Variants in LAIR2 observed in about 807,000 individuals in gnomAD.
The protein encoded by LAIR2 is leukocyte associated immunoglobulin like receptor 2.
Under a neutral mutation model 14.8 loss-of-function variants are expected in LAIR2, and 14 were observed. The ratio of observed to expected loss-of-function variants is 0.95; its 90% CI spans 0.62 to 1.48. The LOEUF (loss-of-function observed/expected upper bound fraction) is 1.48, where lower values mean the gene tolerates loss of function less well. Among genes scored for constraint, LAIR2 ranks in the 40% most tolerant of loss-of-function variants. The pLI, the probability that LAIR2 is intolerant of heterozygous loss-of-function variation, is 0.00. For missense variants in LAIR2, 172 were observed against 180.9 expected, an observed-to-expected ratio of 0.95 and a Z score of 0.28; for synonymous variants, 75 against 74.5, an observed-to-expected ratio of 1.01 and a Z score of -0.03.
At chr19:54,504,135 T>TG (rs1036879100) in intron 2 of LAIR2, among the ~76,000 whole-genome samples, 2 of 151,230 alleles carry the variant, frequency 1.3e-5, no homozygotes, top group African/African-American at 4.9e-5. Context: ...TTTTTTTTTT[T>TG]TTGTATTTTT....
chr19:54,509,761 A>G (rs1178749573), intron 4 of LAIR2, among the ~76,000 whole-genome samples: 1 of 151,470 alleles, frequency 6.6e-6, no homozygotes, highest in Non-Finnish European at 1.5e-5. Context: ...GATGGGAGAG[A>G]AGCTGCCTCT....
At chr19:54,505,608 C>G (rs903106292) in intron 2 of LAIR2, among the ~76,000 whole-genome samples, 3 of 152,122 alleles carry the variant, frequency 2.0e-5, no homozygotes, top group African/African-American at 7.2e-5. Flanking sequence ...AATATCTCAT[C>G]GTAAGATGAA....
intron 4 of LAIR2, among the ~76,000 whole-genome samples, chr19:54,509,977 C>G (rs942162567): frequency 1.4e-5 from 2 of 147,168 alleles, no homozygotes; most frequent in African/African-American, 5.0e-5. Flanking sequence ...CTGTGAGGCT[C>G]GGGCTGTGAG....
chr19:54,507,790 A>G, intron 2 of LAIR2, 101 bp from the exon 3 acceptor site: 3 of 1,200,062 alleles, frequency 2.5e-6, no homozygotes, highest in South Asian at 2.8e-5. Context: ...GCATAACTCT[A>G]TAAAATTGCT....
chr19:54,503,813 T>A (rs996794188), intron 2 of LAIR2, 78 bp downstream of exon 2: 8 of 1,588,840 alleles, frequency 5.0e-6, no homozygotes, highest in African/African-American at 2.7e-5. Flanking sequence ...TGATGTTGAT[T>A]CTTAGAGGGC....
intron 2 of LAIR2, among the ~76,000 whole-genome samples, chr19:54,505,403 CTT>C (rs1693475008): frequency 6.6e-6 from 1 of 152,058 alleles, no homozygotes; most frequent in Admixed American, 6.5e-5. Flanking sequence ...TTCCCTCTCT[CTT>C]CATCGACTTT....
intron 3 of LAIR2, among the ~76,000 whole-genome samples, chr19:54,508,791 C>T (rs1188418626): frequency 7.9e-4 from 1 of 1,266 alleles, no homozygotes; most frequent in African/African-American, 1.1e-3. Flanking sequence ...AGGACCTCAG[C>T]AGTCCCCTGA....
At chr19:54,505,671 G>A (rs985913839) in intron 2 of LAIR2, among the ~76,000 whole-genome samples, 1 of 151,992 alleles carries the variant, frequency 6.6e-6, no homozygotes, top group African/African-American at 2.4e-5. Context: ...ATCAACCCAG[G>A]CACCTCTCTT....
At chr19:54,506,067 C>T (rs11670906) in intron 2 of LAIR2, among the ~76,000 whole-genome samples, 11,495 of 152,138 alleles carry the variant, frequency 0.076, 574 homozygotes, top group Non-Finnish European at 0.12. Context: ...TCAGGTGAGC[C>T]GCCCACCTCG....
intron 3 of LAIR2, 82 bp downstream of exon 3, chr19:54,508,266 G>A: frequency 1.4e-6 from 2 of 1,401,030 alleles, no homozygotes; most frequent in East Asian, 2.3e-5. Context: ...TGTCCCGGCT[G>A]CTGTCCTCTC....
chr19:54,510,536 A>G lies in LAIR2; in HGVS notation c.426A>G (p.Pro142=), dbSNP rs200599480. Residue 142 remains proline, a synonymous_variant, in exon 5 of 5, where the codon CCA becomes CCG. Transcript: ENST00000301202. The stretch of plus-strand genomic sequence containing the variant: ...ATTTTGTCCTCACAGGGACTGTGCC[A>G]GGCACTGAAGCCTCCGGATTTGATG... ...TEPGSSAGTV[P]GTEASGFDAP The G allele has an allele frequency of 1.6e-5, 26 of 1,613,418 alleles. No individual in the cohort carries two copies. The highest frequency in any genetic ancestry group is 2.0e-5 in the Non-Finnish European group (23 of 1,179,468).
intron 2 of LAIR2, among the ~76,000 whole-genome samples, chr19:54,504,664 C>T (rs1252829119): frequency 2.6e-5 from 4 of 152,118 alleles, no homozygotes; most frequent in Non-Finnish European, 5.9e-5. Context: ...GGCTGGAGTG[C>T]AATGGCACAA....
At position 54,506,350 on chromosome 19, in the gene LAIR2, A is replaced by G. The variant is rs2085363857; in HGVS notation, c.71-1541A>G. On this transcript the variant is annotated intron_variant, in intron 2 of 4. Coordinates refer to ENST00000301202, the MANE Select transcript of LAIR2 (RefSeq NM_002288.6). ...AATGTAATACATTGTTATTAACTGT[A>G]GTCACCGTGTTGTACATGATGATTC... 2.0e-5 allele frequency among the ~76,000 whole-genome samples: 3 copies of G among 152,300 alleles called. No individual in the cohort carries two copies. In the South Asian group the frequency reaches 6.2e-4, roughly 32 times the overall value.
intron 2 of LAIR2, among the ~76,000 whole-genome samples, chr19:54,504,595 T>C (rs1478743102): frequency 2.0e-5 from 3 of 152,056 alleles, no homozygotes; most frequent in Non-Finnish European, 4.4e-5. Flanking sequence ...TCTAACTCTG[T>C]GAGATGACCT....
chr19:54,508,409 C>T (rs960298795), intron 3 of LAIR2, among the ~76,000 whole-genome samples: 7 of 152,180 alleles, frequency 4.6e-5, no homozygotes, highest in South Asian at 2.1e-4. Context: ...CCACAGATGG[C>T]GTGGACACTC....
intron 2 of LAIR2, among the ~76,000 whole-genome samples, chr19:54,507,388 C>T (rs372312266): frequency 2.6e-5 from 4 of 152,038 alleles, no homozygotes; most frequent in East Asian, 1.9e-4. Flanking sequence ...CACCCTCACC[C>T]CACCAGACCC....
chr19:54,508,723 G>A (rs956343239), intron 3 of LAIR2, among the ~76,000 whole-genome samples: 5 of 152,280 alleles, frequency 3.3e-5, no homozygotes, highest in South Asian at 2.1e-4. Context: ...TGCTCAGCCC[G>A]AGATGTCCTG....
intron 4 of LAIR2, among the ~76,000 whole-genome samples, 181 bp downstream of exon 4, chr19:54,509,266 T>C (rs1366137486): frequency 6.7e-6 from 1 of 148,210 alleles, no homozygotes; most frequent in Admixed American, 6.7e-5. Flanking sequence ...GCAGCAATGG[T>C]ACAGTGATTG....
chr19:54,507,351 C>T (rs1222985467), intron 2 of LAIR2, among the ~76,000 whole-genome samples: 2 of 151,516 alleles, frequency 1.3e-5, no homozygotes, highest in Admixed American at 6.6e-5. Context: ...TGGGCATCTG[C>T]TGTGAGCAGA....
Sources: gnomAD v4.1 joint callset for allele counts (sites outside exome capture counted in the v4.1 genomes callset) on GRCh38, gnomAD v4.1.1 for gene constraint, MANE v1.5 for transcripts, NCBI Gene and HGNC (gene_info 2026-07-23, HGNC 2026-07-21) for gene names.